Variants in LDLRAD4 observed in about 807,000 individuals in gnomAD.
The protein encoded by LDLRAD4 is low-density lipoprotein receptor class A domain-containing protein 4.
LDLRAD4 carries 5 observed loss-of-function variants against 17.0 expected under a neutral mutation model. The observed-to-expected ratio is 0.29, with a 90% CI of 0.15 to 0.62. The LOEUF (loss-of-function observed/expected upper bound fraction) is 0.62. LDLRAD4 is among the 20% of genes least tolerant of loss of function. The pLI is 0.84. For missense variants in LDLRAD4, 340 were observed against 424.7 expected, an observed-to-expected ratio of 0.80 and a Z score of 1.75; for synonymous variants, 168 against 171.8, an observed-to-expected ratio of 0.98 and a Z score of 0.17.
At chr18:13,605,378 T>A (rs1438362189) in intron 3 of LDLRAD4, among the ~76,000 whole-genome samples, 1 of 152,190 alleles carries the variant, frequency 6.6e-6, no homozygotes, top group Non-Finnish European at 1.5e-5. Context: ...CCACCACACC[T>A]GGCTAATTTT....
chr18:13,315,997 C>T (rs940092908), intron 1 of LDLRAD4, among the ~76,000 whole-genome samples: 15 of 151,956 alleles, frequency 9.9e-5, no homozygotes, highest in South Asian at 2.1e-4. Context: ...ATGAGAGCCA[C>T]GGAGATGTGG....
intron 1 of LDLRAD4, among the ~76,000 whole-genome samples, chr18:13,252,488 G>A (rs1291180094): frequency 6.6e-6 from 1 of 152,230 alleles, no homozygotes; most frequent in African/African-American, 2.4e-5. Context: ...GGGGACCCAG[G>A]GTGGGCCACA....
At chr18:13,483,835 C>T (rs541832544) in intron 3 of LDLRAD4, among the ~76,000 whole-genome samples, 4 of 152,262 alleles carry the variant, frequency 2.6e-5, no homozygotes, top group South Asian at 2.1e-4. Flanking sequence ...ACTAGCGCTC[C>T]GTCTGTTCTG....
chr18:13,551,794 G>A (rs9947465), intron 3 of LDLRAD4, among the ~76,000 whole-genome samples: 1,921 of 152,274 alleles, frequency 0.013, 49 homozygotes, highest in African/African-American at 0.044. Context: ...CTGCTACAAA[G>A]GAATACCTGA....
chr18:13,548,952 G>A (rs2094402334), intron 3 of LDLRAD4, among the ~76,000 whole-genome samples: 1 of 152,224 alleles, frequency 6.6e-6, no homozygotes, highest in Admixed American at 6.5e-5. Flanking sequence ...TCTCAAGATG[G>A]GGAATCTATT....
At chr18:13,234,655 A>G (rs1284681737) in intron 1 of LDLRAD4, among the ~76,000 whole-genome samples, 5 of 152,250 alleles carry the variant, frequency 3.3e-5, no homozygotes, top group South Asian at 4.2e-4. Flanking sequence ...GCCTCAGTGC[A>G]AACAGAAAGT....
At chr18:13,618,702 G>T (rs2148788533) in intron 3 of LDLRAD4, among the ~76,000 whole-genome samples, 1 of 152,300 alleles carries the variant, frequency 6.6e-6, no homozygotes, top group Middle Eastern at 3.4e-3. Flanking sequence ...TTTAATTTGT[G>T]AATACTCCGC....
At chr18:13,630,495 T>C (rs1441190881) in intron 4 of LDLRAD4, among the ~76,000 whole-genome samples, 2 of 152,220 alleles carry the variant, frequency 1.3e-5, no homozygotes, top group African/African-American at 4.8e-5. Flanking sequence ...ACCTCTTCTT[T>C]GAAATTCTCA....
intron 3 of LDLRAD4, chr18:13,521,358 T>A (rs2093950767): frequency 6.6e-6 from 1 of 152,246 alleles, no homozygotes; most frequent in African/African-American, 2.4e-5. Flanking sequence ...TGTGATTTGC[T>A]ACAGGTGTAA....
chr18:13,391,614 T>A (rs1353553272), intron 2 of LDLRAD4, among the ~76,000 whole-genome samples: 3 of 152,236 alleles, frequency 2.0e-5, no homozygotes, highest in African/African-American at 7.2e-5. Context: ...ATATCAAAAA[T>A]TAATTTTTTC....
intron 2 of LDLRAD4, among the ~76,000 whole-genome samples, chr18:13,430,497 G>T (rs1339876672): frequency 2.0e-5 from 3 of 152,048 alleles, no homozygotes; most frequent in Non-Finnish European, 4.4e-5. Flanking sequence ...ACAATGGGAT[G>T]CCTTGGCGCC....
At chr18:13,263,199 A>G (rs1158460192) in intron 1 of LDLRAD4, among the ~76,000 whole-genome samples, 1 of 88,626 alleles carries the variant, frequency 1.1e-5, no homozygotes, top group African/African-American at 4.6e-5. Flanking sequence ...CGTGCGTGGA[A>G]ACTGAGTCCC....
intron 2 of LDLRAD4, among the ~76,000 whole-genome samples, chr18:13,436,367 A>G (rs570706707): frequency 6.6e-6 from 1 of 152,336 alleles, no homozygotes; most frequent in African/African-American, 2.4e-5. Context: ...AGTTAAAATT[A>G]GTGAAGTGTG....
intron 3 of LDLRAD4, among the ~76,000 whole-genome samples, chr18:13,605,390 A>T (rs891261696): frequency 2.6e-5 from 4 of 152,104 alleles, no homozygotes; most frequent in African/African-American, 9.7e-5. Context: ...GCTAATTTTT[A>T]AATTTTTTTT....
At chr18:13,533,805 T>C (rs999543382) in intron 3 of LDLRAD4, among the ~76,000 whole-genome samples, 1 of 152,214 alleles carries the variant, frequency 6.6e-6, no homozygotes, top group African/African-American at 2.4e-5. Flanking sequence ...TTAAAGGGAC[T>C]TTTAAGTTTC....
At position 13,628,094 on chromosome 18, in the gene LDLRAD4, C is replaced by T. The variant is rs557730433; in HGVS notation, c.336+6823C>T. ...AGGGCACAGGGAGCAGGGGTTTCAG[C>T]GCCACACTGTTCATTCCCACTGCGG... On this transcript the variant is annotated intron_variant, in intron 4 of 5. Transcript: ENST00000359446. Among the ~76,000 whole-genome samples, 18 of 152,324 alleles carry T rather than the reference C, an allele frequency of 1.2e-4. No individual in the cohort carries two copies. In the South Asian group the frequency reaches 2.7e-3, roughly 23 times the overall value.
chr18:13,528,891 C>CAT (rs1247843998), intron 3 of LDLRAD4, among the ~76,000 whole-genome samples: 1 of 152,150 alleles, frequency 6.6e-6, no homozygotes, highest in Non-Finnish European at 1.5e-5. Context: ...GAGGCCTGGG[C>CAT]ATCTGCCTCT....
At chr18:13,383,024 A>G (rs1352141005) in intron 1 of LDLRAD4, among the ~76,000 whole-genome samples, 1 of 152,186 alleles carries the variant, frequency 6.6e-6, no homozygotes, top group African/African-American at 2.4e-5. Flanking sequence ...ACTTGTAATC[A>G]TCATCTCAAC....
chr18:13,516,991 AGGCACAT>A (rs1235291310), intron 3 of LDLRAD4, among the ~76,000 whole-genome samples: 2 of 152,186 alleles, frequency 1.3e-5, no homozygotes, highest in Non-Finnish European at 2.9e-5. Context: ...CTGGGACTAC[AGGCACAT>A]GCTGCCACAC....
Sources: allele counts gnomAD v4.1 joint callset (sites outside exome capture counted in the v4.1 genomes callset), GRCh38; gene constraint gnomAD v4.1.1; transcripts MANE v1.5; gene names NCBI Gene and HGNC (gene_info 2026-07-23, HGNC 2026-07-21).